The following RHOT2 variants were observed in gnomAD, a reference collection of about 807,000 sequenced individuals.
The protein encoded by RHOT2 is ras homolog family member T2, also known as mitochondrial Rho GTPase 2.
RHOT2 carries 90 observed loss-of-function variants against 81.6 expected under a neutral mutation model. The ratio of observed to expected loss-of-function variants is 1.10; its 90% CI spans 0.93 to 1.31. RHOT2 has a LOEUF of 1.31. RHOT2 is among the 40% of genes most tolerant of loss of function. The pLI, the probability that RHOT2 is intolerant of heterozygous loss-of-function variation, is 0.00. For synonymous variants in RHOT2, 512 were observed against 370.9 expected (o/e 1.38, Z -4.37); for missense variants, 1,014 against 841.9 (o/e 1.20, Z -2.53).
chr16:668,275 G>A, intron 1 of RHOT2, 39 bp downstream of exon 1: 2 of 1,057,370 alleles, frequency 1.9e-6, no homozygotes, highest in Non-Finnish European at 2.5e-6. Flanking sequence ...TGCGGCGGCC[G>A]TGAGGCGGGG....
intron 5 of RHOT2, 68 bp from the exon 6 acceptor site, chr16:670,055 C>G: frequency 7.0e-7 from 1 of 1,431,622 alleles, no homozygotes. Flanking sequence ...CCCAGCCAGG[C>G]TCATGCTCCA....
chr16:669,056 C>T (rs557561220), intron 4 of RHOT2: 4 of 412,084 alleles, frequency 9.7e-6, no homozygotes, highest in South Asian at 3.5e-5. Context: ...TACCAGAGCA[C>T]GTGTGCCGGG....
rs1029480093 is a variant in RHOT2 at position 670,480 on chromosome 16, A to G, written c.463A>G (p.Ile155Val). ...GTGTTCGGCCAAGAACCTGAGGAAC[A>G]TCTCAGAGCTGTTCTACTACGCCCA... ...VECSAKNLRN[I>V]SELFYYAQKA... The change falls in exon 8 of 19, where the codon ATC becomes GTC. Residue 155 changes from isoleucine (I) to valine (V), a missense_variant. Coordinates refer to ENST00000315082, the MANE Select transcript of RHOT2 (RefSeq NM_138769.3). 3 of 1,607,368 alleles carry G rather than the reference A, an allele frequency of 1.9e-6. No homozygotes were observed. Among genetic ancestry groups the G allele is most frequent in the East Asian group, 2.2e-5 (1 of 44,852 alleles).
At chr16:671,399 T>A in intron 11 of RHOT2, 196 bp downstream of exon 11, 1 of 587,854 alleles carries the variant, frequency 1.7e-6, no homozygotes, top group Non-Finnish European at 2.8e-6. Context: ...TCCACAGAGC[T>A]CTGAGTCGGG....
Position 672,514 on chromosome 16 carries a change from C to T in RHOT2, c.1352C>T (p.Pro451Leu), listed in dbSNP as rs1486507844. 1.4e-5 allele frequency: 22 copies of T among 1,612,630 alleles called. No homozygotes were observed. The highest frequency in any genetic ancestry group is 1.6e-4 in the Middle Eastern group (1 of 6,062). The change falls in exon 16 of 19, where the codon CCC (proline) becomes CTC (leucine). Residue 451 changes from proline (P) to leucine (L), a missense_variant. Pro to Leu is a moderately conservative substitution (Grantham distance 98). Transcript: ENST00000315082. ...LGHQDTREQP[P>L]GYAIDTVQVN... is the part of the protein sequence containing the mutation. ...CACCAGGACACGAGGGAGCAGCCTC[C>T]CGGCTACGCCATCGACACGGTGCAG...
At chr16:672,897 G>A (rs375402547) in intron 17 of RHOT2, 31 bp from the exon 18 acceptor site, 1 of 1,612,582 alleles carries the variant, frequency 6.2e-7, no homozygotes, top group Non-Finnish European at 8.5e-7. Context: ...GCCACCCCAG[G>A]ACTGTACCTC....
chr16:672,656 G>A, intron 16 of RHOT2, 47 bp from the exon 17 acceptor site: 1 of 1,611,400 alleles, frequency 6.2e-7, no homozygotes, highest in Non-Finnish European at 8.5e-7. Flanking sequence ...ATGGCCCTAG[G>A]GGGACCGAGC....
intron 4 of RHOT2, 177 bp downstream of exon 4, chr16:668,876 C>T (rs2038401110): frequency 3.2e-6 from 2 of 619,846 alleles, no homozygotes; most frequent in African/African-American, 1.9e-5. Context: ...GCCGGCACCG[C>T]TCAGTCCAGT....
rs765550843 is a variant in RHOT2, at chr16:668,341, C to T, written c.38-12C>T. 5.7e-6 allele frequency: 8 copies of T among 1,391,814 alleles called. No homozygotes were observed. The highest frequency in any genetic ancestry group is 7.4e-6 in the Non-Finnish European group (8 of 1,079,824). 86.2% of individuals were successfully genotyped at this position (1,391,814 alleles called of 1,614,324 possible). A position where few individuals can be genotyped will look rare whatever the true frequency, so the allele number is the denominator to read the frequency against. Reference sequence around the variant, plus strand: ...ACCTTGGCCCTCGCGCTGACCGCCTCGCCCCGCGCAGCCCAGGTGGGGAAG... The same window carrying T: ...ACCTTGGCCCTCGCGCTGACCGCCTTGCCCCGCGCAGCCCAGGTGGGGAAG... On this transcript the variant is annotated splice_polypyrimidine_tract_variant and intron_variant, in intron 1 of 18. Coordinates refer to ENST00000315082, the MANE Select transcript of RHOT2 (RefSeq NM_138769.3).
chr16:670,181 G>C lies in RHOT2; in HGVS notation c.329+6G>C, dbSNP rs371473345. 2 of 1,607,236 alleles carry C rather than the reference G, an allele frequency of 1.2e-6. No homozygotes were observed. The highest frequency in any genetic ancestry group is 2.2e-5 in the East Asian group (1 of 44,764). ...GGGACCACGCAGGGGCCCAGGTAAT[G>C]AGGGGATGTGGAAGGGGCTGGGACC... On this transcript the variant is annotated splice_donor_region_variant and intron_variant, in intron 6 of 18. Transcript: ENST00000315082.
In RHOT2 at chr16:672,000, G is replaced by T; in HGVS notation, c.1095G>T (p.Trp365Cys). The T allele has an allele frequency of 6.2e-7, 1 of 1,611,812 alleles. No individual in the cohort carries two copies. Among genetic ancestry groups the T allele is most frequent in the Non-Finnish European group, 8.5e-7 (1 of 1,179,584 alleles). ...RLPLHGYLCQ[W>C]TLVTYLDVRS... ...CCCTGCACGGATACCTCTGCCAGTGGACGTAAGTGCGGCCCACACCATGCC... is the reference window on the plus strand; with the variant it reads ...CCCTGCACGGATACCTCTGCCAGTGTACGTAAGTGCGGCCCACACCATGCC... Residue 365 changes from tryptophan to cysteine, a missense_variant and splice_region_variant, in exon 13 of 19, where the codon TGG (tryptophan) becomes TGT (cysteine). By Grantham distance (215) the Trp-to-Cys change is radical. Coordinates refer to ENST00000315082, the MANE Select transcript of RHOT2 (RefSeq NM_138769.3).
chr16:669,317 G>T (rs1431135883), intron 4 of RHOT2: 2 of 573,312 alleles, frequency 3.5e-6, no homozygotes, highest in East Asian at 3.1e-5. Flanking sequence ...CGGGGAAGAG[G>T]CTTCTCTGAG....
In RHOT2 at chr16:670,954, C is replaced by T. The variant is rs2038818495; in HGVS notation, c.702C>T (p.Cys234=). ...QALEDVKTVV[C]RNVAGGVRED... ...TGGAGGACGTGAAGACGGTGGTGTG[C>T]AGGAACGTGGCGGGCGGCGTGCGGG... The change falls in exon 10 of 19, where the codon TGC becomes TGT. Residue 234 remains cysteine, a synonymous_variant. Transcript: ENST00000315082. 1.9e-6 allele frequency: 3 copies of T among 1,574,634 alleles called. No individual in the cohort carries two copies. Among genetic ancestry groups the T allele is most frequent in the South Asian group, 2.3e-5 (2 of 86,514 alleles).
In RHOT2 at chr16:670,138, A is replaced by G; in HGVS notation, c.292A>G (p.Ile98Val). ...ATIEKIRTKWIPLVNGGTTQG... is the reference protein window; with the variant it reads ...ATIEKIRTKWVPLVNGGTTQG... ...TGCTTTTCAGATTCGAACTAAGTGG[A>G]TCCCACTGGTGAATGGGGGGACCAC... Residue 98 changes from isoleucine to valine, a missense_variant, in exon 6 of 19, where the codon ATC becomes GTC. Physicochemically the swap from Ile to Val is conservative, Grantham distance 29. Coordinates refer to ENST00000315082, the MANE Select transcript of RHOT2 (RefSeq NM_138769.3). 1 of 1,579,864 alleles carries G rather than the reference A, an allele frequency of 6.3e-7. No homozygotes were observed. The highest frequency in any genetic ancestry group is 8.6e-7 in the Non-Finnish European group (1 of 1,164,788).
chr16:670,722 A>G lies in RHOT2; in HGVS notation c.588A>G (p.Ser196=), dbSNP rs780168928. The stretch of plus-strand genomic sequence containing the variant: ...CGCTGACGCGCATCTTCAGGCTCTC[A>G]GATCAGGACCTGGACCAGGCGCTCA... The part of the protein sequence containing the change: ...AQALTRIFRL[S]DQDLDQALSD... The change falls in exon 9 of 19, where the codon TCA becomes TCG. Residue 196 remains serine, a synonymous_variant. Transcript: ENST00000315082. The G allele has an allele frequency of 3.7e-6, 6 of 1,612,384 alleles. No homozygotes were observed. The highest frequency in any genetic ancestry group is 4.5e-5 in the East Asian group (2 of 44,890).
chr16:672,386 T>C lies in RHOT2; in HGVS notation c.1326+2T>C, dbSNP rs749688795. ...GCCTTTCTCGGCCGCGGCCTGGGGG[T>C]AAGCACCCTAGACTCCCCCACCACC... On this transcript the variant is annotated splice_donor_variant, in intron 15 of 18. Coordinates refer to ENST00000315082, the MANE Select transcript of RHOT2 (RefSeq NM_138769.3). LOFTEE classifies it high-confidence loss of function. The C allele has an allele frequency of 6.2e-7, 1 of 1,608,720 alleles. No homozygotes were observed. Among genetic ancestry groups the C allele is most frequent in the Non-Finnish European group, 8.5e-7 (1 of 1,177,664 alleles).
chr16:671,076 G>T lies in RHOT2; in HGVS notation c.749-7G>T. On this transcript the variant is annotated splice_polypyrimidine_tract_variant and splice_region_variant and intron_variant, in intron 10 of 18. Coordinates refer to ENST00000315082, the MANE Select transcript of RHOT2 (RefSeq NM_138769.3). Reference sequence around the variant, plus strand: ...CCTGGTGCTCCCCCTGCTTTGTCTCGGTGCAGGTTTCCTCTTCCTGAACAC... The same window carrying T: ...CCTGGTGCTCCCCCTGCTTTGTCTCTGTGCAGGTTTCCTCTTCCTGAACAC... 2 of 1,608,950 alleles carry T rather than the reference G, an allele frequency of 1.2e-6. No homozygotes were observed. Among genetic ancestry groups the T allele is most frequent in the South Asian group, 1.1e-5 (1 of 91,036 alleles).
intron 4 of RHOT2, 79 bp downstream of exon 4, chr16:668,778 C>T: frequency 7.0e-7 from 1 of 1,426,606 alleles, no homozygotes; most frequent in Non-Finnish European, 9.4e-7. Context: ...GGGATTGGAC[C>T]GAGGTGCTCC....
chr16:668,918 C>A, intron 4 of RHOT2: 1 of 538,284 alleles, frequency 1.9e-6, no homozygotes, highest in South Asian at 2.6e-5. Context: ...CCCTTCCCCG[C>A]GGGCTCTCCC....
Sources: allele counts gnomAD v4.1 joint callset, GRCh38; gene constraint gnomAD v4.1.1; transcripts MANE v1.5; gene names NCBI Gene and HGNC (gene_info 2026-07-23, HGNC 2026-07-21).